The following TSHR variants were observed in gnomAD, a reference collection of about 807,000 sequenced individuals.
The protein encoded by TSHR is thyroid stimulating hormone receptor.
Under a neutral mutation model 64.1 loss-of-function variants are expected in TSHR, and 51 were observed. The observed-to-expected ratio is 0.80, with a 90% confidence interval of 0.64 to 1.01. The LOEUF (loss-of-function observed/expected upper bound fraction) is 1.01, where lower values mean the gene tolerates loss of function less well. Ranked by LOEUF, TSHR falls within the 50% of genes least tolerant of loss-of-function variation. The pLI is 0.00. For missense variants in TSHR, 877 were observed against 942.8 expected, an observed-to-expected ratio of 0.93 and a Z score of 0.91; for synonymous variants, 361 against 361.9, an observed-to-expected ratio of 1.00 and a Z score of 0.03.
In TSHR at chr14:81,042,850, C is replaced by T. The variant is rs368765370; in HGVS notation, c.171-19298C>T. On this transcript the variant is annotated intron_variant, in intron 1 of 9. Coordinates refer to ENST00000298171, the MANE Select transcript of TSHR (RefSeq NM_000369.5). ...TAAGGTAATTGATATGCTAAATGCC[C>T]TGATTTGGTCATTACACAACTATAC... Among the ~76,000 whole-genome samples the T allele has an allele frequency of 2.0e-5, 3 of 152,178 alleles. No homozygotes were observed. The South Asian group carries it at 6.2e-4, about 32-fold the overall frequency.
chr14:80,984,618 G>A (rs1207500820), intron 1 of TSHR, among the ~76,000 whole-genome samples: 1 of 152,116 alleles, frequency 6.6e-6, no homozygotes, highest in Non-Finnish European at 1.5e-5. Context: ...ATTTTGAGGC[G>A]ACGGCCTTCA....
At chr14:81,052,653 T>C (rs1239830825) in intron 1 of TSHR, 1 of 152,196 alleles carries the variant, frequency 6.6e-6, no homozygotes, top group Non-Finnish European at 1.5e-5. Context: ...TTTAACAATA[T>C]TAATTCTTCC....
At chr14:81,054,527 A>C (rs1050988695) in intron 1 of TSHR, among the ~76,000 whole-genome samples, 17 of 152,178 alleles carry the variant, frequency 1.1e-4, no homozygotes, top group African/African-American at 4.1e-4. Context: ...AACTTCCTAG[A>C]GACTTGTTGA....
chr14:81,049,516 G>C (rs1388276007), intron 1 of TSHR: 1 of 152,140 alleles, frequency 6.6e-6, no homozygotes, highest in Non-Finnish European at 1.5e-5. Flanking sequence ...AAACCATATA[G>C]GTATTAAACA....
intron 9 of TSHR, 62 bp from the exon 10 acceptor site, chr14:81,142,877 TG>T: frequency 1.3e-6 from 2 of 1,493,324 alleles, no homozygotes; most frequent in Non-Finnish European, 9.3e-7. Flanking sequence ...CCCAAAGTGC[TG>T]GGATTACAGT....
At chr14:80,966,005 C>T (rs1887280847) in intron 1 of TSHR, among the ~76,000 whole-genome samples, 1 of 152,134 alleles carries the variant, frequency 6.6e-6, no homozygotes, top group Non-Finnish European at 1.5e-5. Context: ...AAAGAGCTTC[C>T]TTATGTCCAA....
chr14:81,045,590 G>A (rs879469456), intron 1 of TSHR, among the ~76,000 whole-genome samples: 3 of 151,828 alleles, frequency 2.0e-5, no homozygotes, highest in Admixed American at 6.6e-5. Flanking sequence ...TCCCCCTCAC[G>A]TGTCCATGTG....
intron 1 of TSHR, among the ~76,000 whole-genome samples, chr14:81,061,181 GCTA>G (rs1355159763): frequency 3.3e-5 from 5 of 152,114 alleles, no homozygotes; most frequent in Non-Finnish European, 2.9e-5. Flanking sequence ...TAGTAACCAT[GCTA>G]CTATTTTTAA....
chr14:81,139,172 A>G (rs895849663), intron 8 of TSHR, among the ~76,000 whole-genome samples: 30 of 152,184 alleles, frequency 2.0e-4, no homozygotes, highest in African/African-American at 5.1e-4. Flanking sequence ...TGAATTCCCA[A>G]TGTAACTGGT....
At chr14:81,079,038 T>C (rs1183063952) in intron 3 of TSHR, 2 of 152,198 alleles carry the variant, frequency 1.3e-5, no homozygotes, top group Non-Finnish European at 2.9e-5. Context: ...CAGTTAACAA[T>C]GGGTAAAGGC....
In TSHR at chr14:80,955,783, G is replaced by A. The variant is rs1192804611; in HGVS notation, c.103G>A (p.Glu35Lys). The change falls in exon 1 of 10, where the codon GAG (glutamate) becomes AAG (lysine). Residue 35 changes from glutamate (E) to lysine (K), a missense_variant. Physicochemically the swap from Glu to Lys is moderately conservative, Grantham distance 56. Coordinates refer to ENST00000298171, the MANE Select transcript of TSHR (RefSeq NM_000369.5). The part of the protein sequence containing the change: ...SSPPCECHQE[E>K]DFRVTCKDIQ... ...TCCACCCTGCGAGTGCCATCAGGAG[G>A]AGGACTTCAGAGTCACCTGCAAGGA... is the stretch of plus-strand genomic sequence containing the variant. 1.9e-6 allele frequency: 3 copies of A among 1,614,100 alleles called. No individual in the cohort carries two copies. In the African/African-American group the frequency reaches 4.0e-5, roughly 22 times the overall value.
At chr14:80,982,369 G>T (rs1383534396) in intron 1 of TSHR, 3 of 1,259,244 alleles carry the variant, frequency 2.4e-6, no homozygotes, top group East Asian at 5.1e-5. Flanking sequence ...AAATGGAGAA[G>T]AGGCTGGTAA....
chr14:81,014,125 T>C (rs1385978349), intron 1 of TSHR: 1 of 152,248 alleles, frequency 6.6e-6, no homozygotes, highest in Non-Finnish European at 1.5e-5. Flanking sequence ...AGATCTGTTC[T>C]GTATCAAGGG....
intron 3 of TSHR, among the ~76,000 whole-genome samples, chr14:81,069,497 C>A (rs1444279720): frequency 6.6e-6 from 1 of 152,116 alleles, no homozygotes; most frequent in African/African-American, 2.4e-5. Flanking sequence ...ACTCAATGGG[C>A]AATAAGCAAA....
chr14:81,077,025 T>TTCTCTC (rs139298481), intron 3 of TSHR, among the ~76,000 whole-genome samples: 1 of 150,980 alleles, frequency 6.6e-6, no homozygotes, highest in East Asian at 1.9e-4. Flanking sequence ...AGACATTTAT[T>TTCTCTC]TCTCTCTCTC....
chr14:81,101,697 C>T (rs1456981455), intron 7 of TSHR, among the ~76,000 whole-genome samples: 1 of 152,134 alleles, frequency 6.6e-6, no homozygotes, highest in Non-Finnish European at 1.5e-5. Flanking sequence ...GGGACACAAT[C>T]ACACATACCA....
chr14:80,965,158 T>C (rs1308655384), intron 1 of TSHR, among the ~76,000 whole-genome samples: 2 of 152,160 alleles, frequency 1.3e-5, no homozygotes, highest in Non-Finnish European at 2.9e-5. Context: ...GATCATGGGT[T>C]CATATTGTTA....
intron 1 of TSHR, among the ~76,000 whole-genome samples, chr14:80,997,611 A>G (rs1403978669): frequency 6.6e-6 from 1 of 152,248 alleles, no homozygotes; most frequent in Non-Finnish European, 1.5e-5. Flanking sequence ...TCTTGCATAT[A>G]TAAAATAGAT....
At chr14:80,985,647 T>C (rs552179588) in intron 1 of TSHR, among the ~76,000 whole-genome samples, 1 of 152,348 alleles carries the variant, frequency 6.6e-6, no homozygotes, top group Admixed American at 6.5e-5. Context: ...GAAGTTTCTA[T>C]GTGTGAAAAT....
Sources: gnomAD v4.1 joint callset for allele counts (sites outside exome capture counted in the v4.1 genomes callset) on GRCh38, gnomAD v4.1.1 for gene constraint, MANE v1.5 for transcripts, NCBI Gene and HGNC (gene_info 2026-07-23, HGNC 2026-07-21) for gene names.